Variants in CDK5RAP2 observed in about 807,000 individuals in gnomAD.
CDK5RAP2 encodes the protein CDK5 regulatory subunit associated protein 2.
Under a neutral mutation model 232.9 loss-of-function variants are expected in CDK5RAP2, and 147 were observed. The observed-to-expected ratio is 0.63, with a 90% CI of 0.55 to 0.72. CDK5RAP2 has a LOEUF of 0.72. Among genes scored for constraint, CDK5RAP2 ranks in the 30% least tolerant of loss-of-function variants. The pLI, the probability that CDK5RAP2 is intolerant of heterozygous loss-of-function variation, is 0.00. For synonymous variants in CDK5RAP2, 833 were observed against 833.7 expected, an observed-to-expected ratio of 1.00 and a Z score of 0.01; for missense variants, 2,195 against 2,231.5, an observed-to-expected ratio of 0.98 and a Z score of 0.33.
At chr9:120,475,372 T>G (rs540196663) in intron 15 of CDK5RAP2, among the ~76,000 whole-genome samples, 20 of 152,252 alleles carry the variant, frequency 1.3e-4, no homozygotes, top group Admixed American at 2.6e-4. Context: ...CTCAGTCCCA[T>G]CCAAGTTTTC....
chr9:120,519,105 C>T (rs1375703695), intron 11 of CDK5RAP2, among the ~76,000 whole-genome samples: 1 of 150,678 alleles, frequency 6.6e-6, no homozygotes, highest in East Asian at 2.0e-4. Flanking sequence ...AACCCGGAGG[C>T]GGAGGTTGCA....
intron 31 of CDK5RAP2, chr9:120,407,508 C>T: frequency 3.8e-6 from 2 of 526,516 alleles, no homozygotes; most frequent in East Asian, 3.4e-5. Flanking sequence ...CACACCAAAC[C>T]CCGAAATTAT....
At chr9:120,458,154 T>C (rs142363661) in intron 20 of CDK5RAP2, among the ~76,000 whole-genome samples, 87 of 152,328 alleles carry the variant, frequency 5.7e-4, no homozygotes, top group Non-Finnish European at 1.0e-3. Context: ...GTAGGGCTGA[T>C]TCCTCTCGCT....
intron 35 of CDK5RAP2, among the ~76,000 whole-genome samples, chr9:120,399,501 A>G (rs1050541075): frequency 3.9e-5 from 6 of 152,238 alleles, no homozygotes; most frequent in Admixed American, 6.5e-5. Flanking sequence ...ACAGAAGAGG[A>G]TGCTATGATG....
chr9:120,448,139 A>G lies in CDK5RAP2; in HGVS notation c.2794-13T>C, dbSNP rs1166492182. 8.9e-6 allele frequency: 14 copies of G among 1,567,624 alleles called. No individual in the cohort carries two copies. The highest frequency in any genetic ancestry group is 6.7e-5 in the East Asian group (3 of 44,666). ...ACTTCTTAGCCTCCTGAAAACACAC[A>G]TATGCAACAATGAATACACTTTGAA... On this transcript the variant is annotated splice_polypyrimidine_tract_variant and intron_variant, in intron 21 of 37. Coordinates refer to ENST00000349780, the MANE Select transcript of CDK5RAP2 (RefSeq NM_018249.6).
intron 21 of CDK5RAP2, among the ~76,000 whole-genome samples, chr9:120,448,768 C>T (rs1044081585): frequency 1.3e-5 from 2 of 152,160 alleles, no homozygotes; most frequent in East Asian, 1.9e-4. Context: ...TTTTAAGTTT[C>T]CCTTTATTCT....
intron 28 of CDK5RAP2, among the ~76,000 whole-genome samples, chr9:120,413,134 A>C (rs2033953467): frequency 6.6e-6 from 1 of 152,260 alleles, no homozygotes; most frequent in South Asian, 2.1e-4. Flanking sequence ...AAAAATCTAC[A>C]GAAGTCTACC....
At chr9:120,470,292 G>A (rs1167889469) in intron 16 of CDK5RAP2, 72 bp from the exon 17 acceptor site, 2 of 732,684 alleles carry the variant, frequency 2.7e-6, no homozygotes, top group Non-Finnish European at 4.7e-6. Context: ...ATCCTCCCAA[G>A]ACTGACCCCA....
At chr9:120,576,817 T>C (rs1477310709) in intron 1 of CDK5RAP2, among the ~76,000 whole-genome samples, 1 of 152,144 alleles carries the variant, frequency 6.6e-6, no homozygotes, top group Non-Finnish European at 1.5e-5. Flanking sequence ...GGCTTGTGTC[T>C]GTAATCCCAG....
At chr9:120,563,689 T>A (rs1036521776) in intron 3 of CDK5RAP2, among the ~76,000 whole-genome samples, 7 of 151,850 alleles carry the variant, frequency 4.6e-5, no homozygotes, top group Non-Finnish European at 1.0e-4. Flanking sequence ...CTCATCATTC[T>A]CAAATCCATG....
intron 22 of CDK5RAP2, among the ~76,000 whole-genome samples, chr9:120,447,036 G>A (rs2036229946): frequency 6.6e-6 from 1 of 152,144 alleles, no homozygotes; most frequent in African/African-American, 2.4e-5. Context: ...ATCTGCTTTG[G>A]TCACTCCTCT....
chr9:120,481,631 G>A (rs535793843), intron 14 of CDK5RAP2, among the ~76,000 whole-genome samples: 31 of 149,330 alleles, frequency 2.1e-4, no homozygotes, highest in Non-Finnish European at 3.8e-4. Context: ...TCCTGCCTTA[G>A]CCTCCCAAGT....
chr9:120,526,019 T>G (rs1053152749), intron 10 of CDK5RAP2, among the ~76,000 whole-genome samples: 1 of 152,248 alleles, frequency 6.6e-6, no homozygotes, highest in Non-Finnish European at 1.5e-5. Context: ...GTCCTACTTC[T>G]GCAACTATTC....
At position 120,408,492 on chromosome 9, in the gene CDK5RAP2, G is replaced by C. The variant is rs778026517; in HGVS notation, c.4605-24C>G. On this transcript the variant is annotated intron_variant, in intron 30 of 37. Transcript: ENST00000349780. ...CCCTGAGAAGGCCCCACAGGCATGA[G>C]AAGGACAGGTTAATTCTACCTCAGG... The C allele has an allele frequency of 1.9e-6, 3 of 1,613,932 alleles. No individual in the cohort carries two copies. The South Asian group carries it at 3.3e-5, about 18-fold the overall frequency.
intron 25 of CDK5RAP2, among the ~76,000 whole-genome samples, chr9:120,436,206 C>T (rs2131307576): frequency 6.6e-6 from 1 of 152,288 alleles, no homozygotes; most frequent in South Asian, 2.1e-4. Context: ...TGCAGCATTC[C>T]TGCCAAAACT....
In CDK5RAP2 at chr9:120,422,584, A is replaced by C. The variant is rs896609451; in HGVS notation, c.4004+109T>G. The C allele has an allele frequency of 2.3e-5, 19 of 823,906 alleles. No homozygotes were observed. In the African/African-American group the frequency reaches 3.0e-4, roughly 13 times the overall value. The allele number at this position is 823,906 out of a possible 1,614,324, so 51.0% of individuals were successfully genotyped here. On this transcript the variant is annotated intron_variant, in intron 26 of 37. Coordinates refer to ENST00000349780, the MANE Select transcript of CDK5RAP2 (RefSeq NM_018249.6). ...TAGATGTTTATACCTTATTTACAAG[A>C]AGCAGGAAACAAACAGAATGGGAAG...
intron 3 of CDK5RAP2, among the ~76,000 whole-genome samples, chr9:120,557,957 G>A (rs1588651169): frequency 6.7e-6 from 1 of 149,616 alleles, no homozygotes. Context: ...ATAGAGACGA[G>A]TTTTCACCAT....
At chr9:120,563,995 G>T (rs2132145691) in intron 3 of CDK5RAP2, among the ~76,000 whole-genome samples, 1 of 152,318 alleles carries the variant, frequency 6.6e-6, no homozygotes, top group South Asian at 2.1e-4. Flanking sequence ...ACCAGGTGTG[G>T]ACAGGATACA....
rs762382116 is a variant in CDK5RAP2 at position 120,579,874 on chromosome 9, T to A, written c.59+46A>T. 2.6e-6 allele frequency: 4 copies of A among 1,519,830 alleles called. No individual in the cohort carries two copies. In the African/African-American group the frequency reaches 5.5e-5, roughly 21 times the overall value. The allele number at this position is 1,519,830 out of a possible 1,614,324, so 94.1% of individuals were successfully genotyped here. On this transcript the variant is annotated intron_variant, in intron 1 of 37. Transcript: ENST00000349780. Reference sequence around the variant, plus strand: ...CGCGTTAGAACGAAATCCCACCAGCTGGAACCCCGGCCCGGTTACCACGAC... The same window carrying A: ...CGCGTTAGAACGAAATCCCACCAGCAGGAACCCCGGCCCGGTTACCACGAC...
Sources: allele counts gnomAD v4.1 joint callset (sites outside exome capture counted in the v4.1 genomes callset), GRCh38; gene constraint gnomAD v4.1.1; transcripts MANE v1.5; gene names NCBI Gene and HGNC (gene_info 2026-07-23, HGNC 2026-07-21).